LIMK2: variants seen among roughly 807,000 people sequenced by gnomAD.
The protein encoded by LIMK2 is LIM domain kinase 2.
A neutral mutation model predicts 75.7 loss-of-function variants in LIMK2; 35 were observed. The observed-to-expected ratio is 0.46, with a 90% CI of 0.35 to 0.61. The LOEUF is 0.61. Ranked by LOEUF, LIMK2 falls within the 20% of genes least tolerant of loss-of-function variation. The pLI, the probability that LIMK2 is intolerant of heterozygous loss-of-function variation, is 0.00. For synonymous variants in LIMK2, 301 were observed against 319.2 expected (o/e 0.94, Z 0.61); for missense variants, 623 against 831.0 (o/e 0.75, Z 3.08).
In LIMK2 at chr22:31,268,072, T is replaced by C. The variant is rs1225528159; in HGVS notation, c.1261-72T>C. The C allele has an allele frequency of 3.2e-6, 5 of 1,541,994 alleles. No individual in the cohort carries two copies. The East Asian group carries it at 6.7e-5, about 21-fold the overall frequency. On this transcript the variant is annotated intron_variant, in intron 10 of 15. Coordinates refer to ENST00000331728, the MANE Select transcript of LIMK2 (RefSeq NM_005569.4). ...AGGGAGGCTTCACTGGGAGACCACA[T>C]TGACCCATGGGGCCTGGACCACGAG...
chr22:31,278,676 G>C lies in LIMK2; in HGVS notation c.*235G>C, dbSNP rs962099649. Reference sequence around the variant, plus strand: ...CTGTAAATCCAATACTTGCCTGAAAGCTGTGAAGAAGAAAAAAACCCCTGG... The same window carrying C: ...CTGTAAATCCAATACTTGCCTGAAACCTGTGAAGAAGAAAAAAACCCCTGG... On this transcript the variant is annotated 3_prime_UTR_variant, in exon 16 of 16. Coordinates refer to ENST00000331728, the MANE Select transcript of LIMK2 (RefSeq NM_005569.4). 2.6e-6 allele frequency: 1 copy of C among 380,308 alleles called. No individual in the cohort carries two copies. The highest frequency in any genetic ancestry group is 4.3e-5 in the Admixed American group (1 of 23,076). The allele number at this position is 380,308 out of a possible 1,614,324, so 23.6% of individuals were successfully genotyped here.
intron 1 of LIMK2, among the ~76,000 whole-genome samples, chr22:31,224,713 G>C (rs149296480): frequency 0.013 from 2,036 of 152,268 alleles, 21 homozygotes; most frequent in Middle Eastern, 0.027. Flanking sequence ...ATAATACTTG[G>C]TTCTATCTCT....
At chr22:31,259,629 A>G (rs1364750174) in intron 4 of LIMK2, among the ~76,000 whole-genome samples, 1 of 152,190 alleles carries the variant, frequency 6.6e-6, no homozygotes, top group Non-Finnish European at 1.5e-5. Context: ...TAGAGTGAAG[A>G]GAACCCAGAC....
intron 1 of LIMK2, among the ~76,000 whole-genome samples, chr22:31,215,715 A>G (rs1414272283): frequency 6.6e-6 from 1 of 152,190 alleles, no homozygotes; most frequent in Non-Finnish European, 1.5e-5. Flanking sequence ...ATTAAGGCAA[A>G]AAACAAAACT....
intron 15 of LIMK2, chr22:31,276,775 G>T (rs557144192): frequency 6.2e-7 from 1 of 1,602,630 alleles, no homozygotes; most frequent in Non-Finnish European, 8.5e-7. Context: ...CAAGGACCAC[G>T]CATCTACTTT....
chr22:31,242,675 TA>T (rs1407683919), intron 2 of LIMK2, among the ~76,000 whole-genome samples: 2 of 152,230 alleles, frequency 1.3e-5, no homozygotes, highest in Non-Finnish European at 2.9e-5. Context: ...AGGATTAGAC[TA>T]AATCTCTAAA....
In LIMK2 at chr22:31,222,372, C is replaced by CTTT. The variant is rs3068235; in HGVS notation, c.17-3323_17-3321dup. On this transcript the variant is annotated intron_variant, in intron 1 of 15. Transcript: ENST00000331728. ...AGGCATGAGCCACCGTGCCCAGCCT[C>CTTT]TTTTTTTTTTTTTTTTTTTTTTTTT... Among the ~76,000 whole-genome samples the CTTT allele has an allele frequency of 1.2e-3, 66 of 55,246 alleles. 7 individuals are homozygous for CTTT. The highest frequency in any genetic ancestry group is 2.5e-3 in the African/African-American group (26 of 10,350). The allele number at this position is 55,246 out of a possible 152,430, so 36.2% of individuals were successfully genotyped here.
intron 11 of LIMK2, among the ~76,000 whole-genome samples, chr22:31,270,512 G>T (rs2048945366): frequency 6.6e-6 from 1 of 152,192 alleles, no homozygotes; most frequent in South Asian, 2.1e-4. Context: ...TTCTACATTT[G>T]CAAGGGAAGG....
intron 5 of LIMK2, among the ~76,000 whole-genome samples, chr22:31,261,712 G>T (rs955573989): frequency 2.0e-5 from 3 of 152,110 alleles, no homozygotes; most frequent in African/African-American, 7.2e-5. Context: ...AGGTTGCAGT[G>T]AGCCCAGATC....
intron 1 of LIMK2, among the ~76,000 whole-genome samples, chr22:31,217,204 G>A (rs2048395389): frequency 6.6e-6 from 1 of 152,092 alleles, no homozygotes; most frequent in Non-Finnish European, 1.5e-5. Flanking sequence ...GTTCAAACCA[G>A]TCTGGCCAAG....
At chr22:31,275,608 C>CTGCG in intron 15 of LIMK2, 1 of 338,996 alleles carries the variant, frequency 2.9e-6, no homozygotes, top group South Asian at 4.8e-5. Flanking sequence ...TTTCGATATT[C>CTGCG]CCCTGTCCAT....
chr22:31,227,179 G>T (rs996883300), intron 2 of LIMK2, among the ~76,000 whole-genome samples: 1 of 152,200 alleles, frequency 6.6e-6, no homozygotes, highest in Admixed American at 6.5e-5. Context: ...GTTGAAATTT[G>T]TTGGTGGAAA....
chr22:31,231,519 A>G (rs995904203), intron 2 of LIMK2, among the ~76,000 whole-genome samples: 1 of 152,202 alleles, frequency 6.6e-6, no homozygotes, highest in African/African-American at 2.4e-5. Flanking sequence ...GGCCTGCCTG[A>G]CAGAGGAAGG....
chr22:31,277,474 G>C lies in LIMK2; in HGVS notation c.1773-823G>C, dbSNP rs552271617. On this transcript the variant is annotated intron_variant, in intron 15 of 15. Coordinates refer to ENST00000331728, the MANE Select transcript of LIMK2 (RefSeq NM_005569.4). ...CACATTAGAGTTGAAATTTTCTGGT[G>C]GGAGAATCTATACCTTGTTCCTTTA... The C allele has an allele frequency of 1.5e-4, 164 of 1,114,610 alleles. No individual in the cohort carries two copies. The African/African-American group carries it at 2.6e-3, about 18-fold the overall frequency. 69.0% of individuals were successfully genotyped at this position (1,114,610 alleles called of 1,614,324 possible). A position where few individuals can be genotyped will look rare whatever the true frequency, so the allele number is the denominator to read the frequency against.
intron 14 of LIMK2, among the ~76,000 whole-genome samples, chr22:31,273,720 T>G (rs1007683915): frequency 1.3e-5 from 2 of 152,234 alleles, no homozygotes; most frequent in African/African-American, 2.4e-5. Context: ...TTGTTTTAGA[T>G]GGAGCCTCAC....
At chr22:31,270,984 A>T (rs1196068391) in intron 11 of LIMK2, 152 bp from the exon 12 acceptor site, 1 of 662,738 alleles carries the variant, frequency 1.5e-6, no homozygotes, top group African/African-American at 1.8e-5. Flanking sequence ...GACAAGGGAG[A>T]GGCCATAGGA....
chr22:31,240,310 C>G (rs1237140848), intron 2 of LIMK2, among the ~76,000 whole-genome samples: 4 of 152,196 alleles, frequency 2.6e-5, no homozygotes, highest in African/African-American at 9.7e-5. Flanking sequence ...AGCACTGACT[C>G]TTGCAGAAGC....
intron 5 of LIMK2, 66 bp downstream of exon 5, chr22:31,260,143 C>A: frequency 7.6e-7 from 1 of 1,310,908 alleles, no homozygotes; most frequent in Non-Finnish European, 1.0e-6. Context: ...CCTCAGAGGG[C>A]TTAGACCTCC....
chr22:31,226,852 C>T (rs1458153989), intron 2 of LIMK2, among the ~76,000 whole-genome samples: 6 of 144,470 alleles, frequency 4.2e-5, no homozygotes, highest in South Asian at 2.2e-4. Context: ...TCAGGTGATC[C>T]GCCTGCCTCG....
Sources: allele counts gnomAD v4.1 joint callset (sites outside exome capture counted in the v4.1 genomes callset), GRCh38; gene constraint gnomAD v4.1.1; transcripts MANE v1.5; gene names NCBI Gene and HGNC (gene_info 2026-07-23, HGNC 2026-07-21).